The following GPHN variants were observed in gnomAD, a reference collection of about 807,000 sequenced individuals.
GPHN encodes gephyrin.
Under a neutral mutation model 95.5 loss-of-function variants are expected in GPHN, and 17 were observed. That is an observed-to-expected ratio of 0.18 (90% CI 0.12 to 0.27). The LOEUF (loss-of-function observed/expected upper bound fraction) is 0.27. Ranked by LOEUF, GPHN falls within the 10% of genes least tolerant of loss-of-function variation. GPHN has a pLI of 1.00. For synonymous variants in GPHN, 320 were observed against 322.5 expected (o/e 0.99, Z 0.08); for missense variants, 660 against 978.1 (o/e 0.67, Z 4.34).
intron 18 of GPHN, among the ~76,000 whole-genome samples, chr14:67,144,282 TATATACACACAC>T (rs2080757922): frequency 9.0e-6 from 1 of 111,374 alleles, no homozygotes; most frequent in African/African-American, 3.6e-5. Flanking sequence ...TATATATATA[TATATACACACAC>T]ACATACACAA....
rs368242900 is a variant in GPHN, at chr14:66,715,111, CT to C, written c.143+33932del. 1.1e-3 allele frequency among the ~76,000 whole-genome samples: 162 copies of C among 152,138 alleles called. 3 individuals are homozygous for C. In the East Asian group the frequency reaches 0.026, roughly 25 times the overall value. On this transcript the variant is annotated intron_variant, in intron 2 of 22. Coordinates refer to ENST00000478722, the MANE Select transcript of GPHN (RefSeq NM_020806.5). ...AGCTGTGAATCTGTCTGGTCCTGGACTTTTTTCTGTTGTTAATTTTTAAATT... is the reference window on the plus strand; with the variant it reads ...AGCTGTGAATCTGTCTGGTCCTGGACTTTTTCTGTTGTTAATTTTTAAATT...
intron 1 of GPHN, among the ~76,000 whole-genome samples, chr14:66,573,930 T>C (rs1045524671): frequency 2.6e-5 from 4 of 152,166 alleles, no homozygotes; most frequent in African/African-American, 7.2e-5. Context: ...CAGCATGTAG[T>C]TGAGTCTTGT....
chr14:67,558,165 C>T, the GPHN span, among the ~76,000 whole-genome samples: 2 of 152,210 alleles, frequency 1.3e-5, no homozygotes, highest in Admixed American at 1.3e-4. Context: ...TCACCAACTC[C>T]ATCCCAGTTC....
At chr14:67,491,095 T>TTGGTTACAAACCC in the GPHN span, among the ~76,000 whole-genome samples, 1 of 152,180 alleles carries the variant, frequency 6.6e-6, no homozygotes, top group Non-Finnish European at 1.5e-5. Context: ...TTCTGAACAA[T>TTGGTTACAAACCC]TGGTTACAAA....
intron 5 of GPHN, 75 bp from the exon 6 acceptor site, chr14:66,915,925 ATTG>A (rs2065874714): frequency 4.8e-6 from 4 of 829,050 alleles, no homozygotes; most frequent in Non-Finnish European, 8.6e-6. Context: ...AAGTAAAATG[ATTG>A]TTATTTGTTC....
chr14:67,232,966 A>G, the GPHN span, among the ~76,000 whole-genome samples: 1 of 152,074 alleles, frequency 6.6e-6, no homozygotes, highest in African/African-American at 2.4e-5. Context: ...CAAATTTAAA[A>G]CCATTTATAT....
the GPHN span, chr14:67,645,814 A>C: frequency 1.2e-6 from 2 of 1,612,994 alleles, no homozygotes; most frequent in Non-Finnish European, 1.7e-6. Context: ...TCAGTGGGCC[A>C]AAACGAAAAG....
chr14:66,952,962 G>T (rs2068206963), intron 8 of GPHN, among the ~76,000 whole-genome samples: 1 of 151,640 alleles, frequency 6.6e-6, no homozygotes, highest in Non-Finnish European at 1.5e-5. Context: ...CTAAAGTGCT[G>T]GGATTACAGG....
At chr14:67,277,360 T>C in the GPHN span, among the ~76,000 whole-genome samples, 1 of 152,296 alleles carries the variant, frequency 6.6e-6, no homozygotes, top group East Asian at 1.9e-4. Flanking sequence ...ATTTTCCTGA[T>C]TGTTGGACTA....
chr14:66,856,723 A>C (rs2062817129), intron 4 of GPHN, among the ~76,000 whole-genome samples: 1 of 152,100 alleles, frequency 6.6e-6, no homozygotes, highest in South Asian at 2.1e-4. Context: ...AATAATATGC[A>C]AAAACTTGAT....
chr14:67,661,299 A>AT, the GPHN span, among the ~76,000 whole-genome samples: 3 of 129,922 alleles, frequency 2.3e-5, no homozygotes, highest in East Asian at 2.6e-4. Flanking sequence ...AAAAAAAAAA[A>AT]GTTTTTTTTT....
chr14:67,010,271 C>G (rs1387681179), intron 9 of GPHN, among the ~76,000 whole-genome samples: 1 of 150,512 alleles, frequency 6.6e-6, no homozygotes, highest in Non-Finnish European at 1.5e-5. Context: ...CAAGAATAGG[C>G]CGGGCGCGGT....
chr14:67,226,111 T>C, the GPHN span, among the ~76,000 whole-genome samples: 2 of 152,250 alleles, frequency 1.3e-5, no homozygotes, highest in Admixed American at 6.5e-5. Flanking sequence ...AGGTGCTCAC[T>C]CTTCTGTCCA....
At chr14:67,160,490 G>A (rs117726845) in intron 19 of GPHN, among the ~76,000 whole-genome samples, 2,643 of 152,246 alleles carry the variant, frequency 0.017, 36 homozygotes, top group Middle Eastern at 0.051. Context: ...TGGAGGTCCT[G>A]AAGTCAGTTA....
intron 21 of GPHN, among the ~76,000 whole-genome samples, chr14:67,177,011 C>G (rs1359644420): frequency 6.6e-6 from 1 of 151,896 alleles, no homozygotes; most frequent in Non-Finnish European, 1.5e-5. Flanking sequence ...ATTTTGTTGA[C>G]CTTTTCAAAA....
the GPHN span, among the ~76,000 whole-genome samples, chr14:67,227,023 C>G: frequency 6.6e-6 from 1 of 152,172 alleles, no homozygotes; most frequent in African/African-American, 2.4e-5. Context: ...ACAATGATTT[C>G]AATCCCTTGA....
At chr14:67,378,314 C>CTTTTT in the GPHN span, among the ~76,000 whole-genome samples, 20 of 107,618 alleles carry the variant, frequency 1.9e-4, no homozygotes, top group South Asian at 3.3e-4. Context: ...TCTCATGTGA[C>CTTTTT]TTTTTTTTTT....
chr14:67,171,243 T>C (rs1258675124), intron 21 of GPHN, among the ~76,000 whole-genome samples: 2 of 152,106 alleles, frequency 1.3e-5, no homozygotes, highest in Non-Finnish European at 2.9e-5. Context: ...CATCCTTTCA[T>C]ATCAAAGCAT....
At chr14:67,047,360 G>GTGTGTGTGTT (rs1277372679) in intron 10 of GPHN, among the ~76,000 whole-genome samples, 128 of 133,650 alleles carry the variant, frequency 9.6e-4, no homozygotes, top group African/African-American at 3.1e-3. Flanking sequence ...GTGTGTGTGT[G>GTGTGTGTGTT]TGTTTGTTTT....
Sources: allele counts gnomAD v4.1 joint callset (sites outside exome capture counted in the v4.1 genomes callset), GRCh38; gene constraint gnomAD v4.1.1; transcripts MANE v1.5; gene names NCBI Gene and HGNC (gene_info 2026-07-23, HGNC 2026-07-21).